Variants in TFEC observed in about 807,000 individuals in gnomAD.
The protein encoded by TFEC is class E basic helix-loop-helix protein 34.
TFEC carries 31 observed loss-of-function variants against 41.6 expected under a neutral mutation model. The ratio of observed to expected loss-of-function variants is 0.74; its 90% CI spans 0.56 to 1.01. TFEC has a LOEUF of 1.01. Ranked by LOEUF, TFEC falls within the 50% of genes least tolerant of loss-of-function variation. The pLI, the probability that TFEC is intolerant of heterozygous loss-of-function variation, is 0.00. For synonymous variants in TFEC, 143 were observed against 140.6 expected (o/e 1.02, Z -0.12); for missense variants, 402 against 404.1 (o/e 0.99, Z 0.04).
At position 115,936,681 on chromosome 7, in the gene TFEC, T is replaced by C. The variant is rs1011016200; in HGVS notation, c.*3870A>G. On this transcript the variant is annotated 3_prime_UTR_variant, in exon 8 of 8. Transcript: ENST00000265440. ...AAAATAAAATAAAAATATATTCCTT[T>C]TAAAGTTGTGAAATCTAATTCCCCT... 24 of 151,600 alleles carry C rather than the reference T, an allele frequency of 1.6e-4. No homozygotes were observed. The highest frequency in any genetic ancestry group is 8.6e-4 in the Admixed American group (13 of 15,202). 9.4% of individuals were successfully genotyped at this position (151,600 alleles called of 1,614,324 possible).
intron 1 of TFEC, among the ~76,000 whole-genome samples, chr7:116,028,689 G>A (rs1562941948): frequency 6.6e-6 from 1 of 152,106 alleles, no homozygotes; most frequent in Non-Finnish European, 1.5e-5. Context: ...TGAAGAATCT[G>A]GAATGTCTAA....
intron 1 of TFEC, among the ~76,000 whole-genome samples, chr7:116,144,844 T>C (rs1006114919): frequency 6.6e-6 from 1 of 152,180 alleles, no homozygotes; most frequent in African/African-American, 2.4e-5. Flanking sequence ...CCAGAAGATT[T>C]TAGATTCAAG....
intron 3 of TFEC, among the ~76,000 whole-genome samples, chr7:116,078,919 C>T (rs1797023562): frequency 6.6e-6 from 1 of 151,948 alleles, no homozygotes; most frequent in South Asian, 2.1e-4. Context: ...AACACAGATG[C>T]AAAAATCCTC....
At chr7:116,116,522 C>T (rs936207451) in intron 1 of TFEC, among the ~76,000 whole-genome samples, 2 of 151,884 alleles carry the variant, frequency 1.3e-5, no homozygotes, top group African/African-American at 4.8e-5. Flanking sequence ...TGTTCAAGCA[C>T]AAGCTAAATG....
intron 2 of TFEC, among the ~76,000 whole-genome samples, chr7:115,976,535 T>G (rs1479345262): frequency 6.6e-6 from 1 of 152,176 alleles, no homozygotes; most frequent in African/African-American, 2.4e-5. Context: ...CATGGTCAGA[T>G]GTTAAATCCT....
intron 3 of TFEC, among the ~76,000 whole-genome samples, chr7:116,060,803 C>T (rs1366323987): frequency 6.6e-6 from 1 of 151,946 alleles, no homozygotes; most frequent in Non-Finnish European, 1.5e-5. Flanking sequence ...CACAACAAAC[C>T]CCTGTGACAC....
chr7:116,085,754 A>G (rs1001215111), intron 3 of TFEC, among the ~76,000 whole-genome samples: 2 of 152,016 alleles, frequency 1.3e-5, no homozygotes, highest in Non-Finnish European at 2.9e-5. Flanking sequence ...CTAAAGTTAC[A>G]TAGATTTCAC....
chr7:116,144,601 C>T (rs1798605932), intron 1 of TFEC, among the ~76,000 whole-genome samples: 1 of 152,156 alleles, frequency 6.6e-6, no homozygotes, highest in South Asian at 2.1e-4. Flanking sequence ...CCTCCCACCT[C>T]CATCTCCCAA....
intron 1 of TFEC, among the ~76,000 whole-genome samples, chr7:116,016,113 A>T (rs1562934720): frequency 6.6e-6 from 1 of 152,222 alleles, no homozygotes; most frequent in Admixed American, 6.5e-5. Context: ...ACCATCACAA[A>T]GCTAATGTAG....
At chr7:115,983,645 G>A (rs1211305389) in intron 2 of TFEC, among the ~76,000 whole-genome samples, 1 of 152,010 alleles carries the variant, frequency 6.6e-6, no homozygotes, top group East Asian at 1.9e-4. Context: ...ATTTTCTGAA[G>A]GTTCATTACA....
chr7:115,972,856 A>C (rs1404269561), intron 3 of TFEC, among the ~76,000 whole-genome samples: 2 of 152,074 alleles, frequency 1.3e-5, no homozygotes, highest in Non-Finnish European at 2.9e-5. Context: ...ATACAATTTC[A>C]ATGAAGTAAG....
intron 1 of TFEC, among the ~76,000 whole-genome samples, chr7:116,128,891 T>C (rs893923343): frequency 7.2e-5 from 11 of 152,054 alleles, no homozygotes; most frequent in Admixed American, 7.2e-4. Flanking sequence ...GGTAGATACA[T>C]TTGCTAAACA....
intron 1 of TFEC, among the ~76,000 whole-genome samples, chr7:116,143,394 A>G (rs1257807194): frequency 6.6e-6 from 1 of 152,168 alleles, no homozygotes; most frequent in Non-Finnish European, 1.5e-5. Flanking sequence ...AGAGGTTGTC[A>G]TAACAGACCT....
At chr7:116,007,587 CT>C (rs1186903309) in intron 1 of TFEC, among the ~76,000 whole-genome samples, 1 of 152,162 alleles carries the variant, frequency 6.6e-6, no homozygotes, top group Admixed American at 6.6e-5. Context: ...CCACGATTTA[CT>C]TTCTAGTGTT....
intron 3 of TFEC, among the ~76,000 whole-genome samples, chr7:116,081,583 C>T (rs556394261): frequency 1.3e-5 from 2 of 152,124 alleles, no homozygotes; most frequent in South Asian, 2.1e-4. Context: ...GGTAACTGCT[C>T]TCTCCAAATC....
chr7:115,985,972 T>C lies in TFEC; in HGVS notation c.-72-1459A>G, dbSNP rs533124173. 2.0e-5 allele frequency among the ~76,000 whole-genome samples: 3 copies of C among 152,302 alleles called. No individual in the cohort carries two copies. The East Asian group carries it at 5.8e-4, about 29-fold the overall frequency. On this transcript the variant is annotated intron_variant, in intron 1 of 7. Coordinates refer to ENST00000265440, the MANE Select transcript of TFEC (RefSeq NM_012252.4). ...CTATGCAACTGAATGCCAAAGAACA[T>C]TGTATACCTACAATTGGGAAATAGC...
chr7:116,106,964 A>AT (rs1408595574), intron 3 of TFEC, among the ~76,000 whole-genome samples: 1 of 152,110 alleles, frequency 6.6e-6, no homozygotes, highest in Non-Finnish European at 1.5e-5. Flanking sequence ...CCTACCTTAG[A>AT]TTTTTTAAAT....
chr7:116,017,508 A>T (rs1045093300), intron 1 of TFEC, among the ~76,000 whole-genome samples: 1 of 152,054 alleles, frequency 6.6e-6, no homozygotes, highest in Non-Finnish European at 1.5e-5. Flanking sequence ...GGCATGAGCC[A>T]CCACACCCGG....
In TFEC at chr7:115,937,047, T is replaced by A. The variant is rs1467201350; in HGVS notation, c.*3504A>T. Reference sequence around the variant, plus strand: ...AAGAGCTGTATCTACTCACAGGAGGTCATCATTATTTTAAGACAATTGGAA... The same window carrying A: ...AAGAGCTGTATCTACTCACAGGAGGACATCATTATTTTAAGACAATTGGAA... On this transcript the variant is annotated 3_prime_UTR_variant, in exon 8 of 8. Coordinates refer to ENST00000265440, the MANE Select transcript of TFEC (RefSeq NM_012252.4). 8 of 151,418 alleles carry A rather than the reference T, an allele frequency of 5.3e-5. No homozygotes were observed. Among genetic ancestry groups the A allele is most frequent in the Admixed American group, 5.3e-4 (8 of 15,166 alleles). The allele number at this position is 151,418 out of a possible 1,614,324, so 9.4% of individuals were successfully genotyped here.
Sources: allele counts gnomAD v4.1 joint callset (sites outside exome capture counted in the v4.1 genomes callset), GRCh38; gene constraint gnomAD v4.1.1; transcripts MANE v1.5; gene names NCBI Gene and HGNC (gene_info 2026-07-23, HGNC 2026-07-21).